Variants in XPO7 observed in about 807,000 individuals in gnomAD.
XPO7 encodes the protein exportin 7.
In XPO7, 21 loss-of-function variants were observed where a neutral mutation model predicts 144.3. That is an observed-to-expected ratio of 0.15 (90% CI 0.10 to 0.21). The LOEUF is 0.21. Among genes scored for constraint, XPO7 ranks in the 10% least tolerant of loss-of-function variants. The probability of loss-of-function intolerance (pLI) is 1.00; values close to 1 mark genes in which losing one functional copy is unlikely to be tolerated. For synonymous variants in XPO7, 580 were observed against 499.6 expected (o/e 1.16, Z -2.15); for missense variants, 808 against 1,325.8 (o/e 0.61, Z 6.06).
chr8:21,998,250 G>A (rs1813018111), intron 21 of XPO7, among the ~76,000 whole-genome samples: 1 of 152,130 alleles, frequency 6.6e-6, no homozygotes, highest in African/African-American at 2.4e-5. Flanking sequence ...GACCATCCTG[G>A]CTAACATGGT....
chr8:21,921,803 T>C (rs115246475), intron 1 of XPO7, among the ~76,000 whole-genome samples: 115 of 152,340 alleles, frequency 7.5e-4, no homozygotes, highest in African/African-American at 2.7e-3. Context: ...CTTAGTGGTC[T>C]TCATATCAAC....
chr8:21,946,574 GAAAAAAAAAAAC>G (rs1486876647), intron 1 of XPO7, among the ~76,000 whole-genome samples: 8 of 89,044 alleles, frequency 9.0e-5, no homozygotes, highest in Non-Finnish European at 1.4e-4. Flanking sequence ...TTCTAGAACT[GAAAAAAAAAAAC>G]AAAAAAAAAA....
intron 1 of XPO7, among the ~76,000 whole-genome samples, chr8:21,924,816 G>A (rs1211751652): frequency 2.6e-5 from 4 of 152,178 alleles, no homozygotes; most frequent in East Asian, 3.8e-4. Context: ...TCAGGACCAC[G>A]ATAAATGTTC....
intron 1 of XPO7, among the ~76,000 whole-genome samples, chr8:21,959,864 T>C (rs1454054179): frequency 6.6e-6 from 1 of 152,190 alleles, no homozygotes; most frequent in Non-Finnish European, 1.5e-5. Context: ...TCACCCACAG[T>C]CATACGTTAA....
At chr8:21,957,212 A>G (rs770094889) in intron 1 of XPO7, among the ~76,000 whole-genome samples, 6 of 151,682 alleles carry the variant, frequency 4.0e-5, no homozygotes, top group African/African-American at 1.2e-4. Context: ...TCATTGACCT[A>G]TTTGTTACAG....
intron 1 of XPO7, among the ~76,000 whole-genome samples, chr8:21,920,906 C>G (rs539125356): frequency 6.6e-6 from 1 of 152,278 alleles, no homozygotes; most frequent in South Asian, 2.1e-4. Flanking sequence ...AATACGTCTA[C>G]AAGAATCTGG....
chr8:21,990,259 C>A, intron 16 of XPO7, 85 bp from the exon 17 acceptor site: 1 of 1,359,622 alleles, frequency 7.4e-7, no homozygotes, highest in Non-Finnish European at 1.0e-6. Flanking sequence ...TTTGGGTGAA[C>A]TGTCCTTTAT....
At position 21,919,730 on chromosome 8, in the gene XPO7, G is replaced by T. The variant is rs1000007426; in HGVS notation, c.-41G>T. On this transcript the variant is annotated 5_prime_UTR_variant, in exon 1 of 28. Transcript: ENST00000252512. Reference sequence around the variant, plus strand: ...AGCGGCTCCGGCCGAGGTGCGCGCTGGGGGGGAGGGGGGGCCGGAGAGGAG... The same window carrying T: ...AGCGGCTCCGGCCGAGGTGCGCGCTTGGGGGGAGGGGGGGCCGGAGAGGAG... 11 of 365,892 alleles carry T rather than the reference G, an allele frequency of 3.0e-5. No homozygotes were observed. In the East Asian group the frequency reaches 4.0e-4, roughly 13 times the overall value. 22.7% of individuals were successfully genotyped at this position (365,892 alleles called of 1,614,324 possible).
intron 1 of XPO7, among the ~76,000 whole-genome samples, chr8:21,954,392 T>C (rs78921129): frequency 1.1e-3 from 173 of 152,298 alleles, no homozygotes; most frequent in African/African-American, 4.0e-3. Flanking sequence ...TCCCAGCACA[T>C]TGGGAAGCCA....
Position 21,995,607 on chromosome 8 carries a change from G to A in XPO7, c.2345+8G>A, listed in dbSNP as rs760750813. 6 of 1,582,436 alleles carry A rather than the reference G, an allele frequency of 3.8e-6. No homozygotes were observed. The highest frequency in any genetic ancestry group is 5.2e-6 in the Non-Finnish European group (6 of 1,161,350). On this transcript the variant is annotated splice_region_variant and intron_variant, in intron 21 of 27. Transcript: ENST00000252512. ...TGAATTGGTTCATAATAGGTAAGCA[G>A]GAGGCAGAGCTTGCAAGGGCACATC...
chr8:21,974,090 T>TCTCA (rs1812149819), intron 5 of XPO7, among the ~76,000 whole-genome samples: 1 of 96,578 alleles, frequency 1.0e-5, no homozygotes, highest in African/African-American at 4.7e-5. Flanking sequence ...TTTAAGAGAC[T>TCTCA]CTGCTGCCCA....
In XPO7 at chr8:21,947,147, A is replaced by G. The variant is rs1811219620; in HGVS notation, c.19-19710A>G. Among the ~76,000 whole-genome samples, 3 of 152,230 alleles carry G rather than the reference A, an allele frequency of 2.0e-5. No homozygotes were observed. The South Asian group carries it at 6.2e-4, about 32-fold the overall frequency. The stretch of plus-strand genomic sequence containing the variant: ...GTAAATCTAAACATCGTATGACATA[A>G]TAGTATTATCTAATGTTTAGGGCTA... On this transcript the variant is annotated intron_variant, in intron 1 of 27. Transcript: ENST00000252512.
intron 7 of XPO7, 129 bp from the exon 8 acceptor site, chr8:21,977,641 C>T (rs1812269984): frequency 1.2e-6 from 1 of 849,518 alleles, no homozygotes; most frequent in African/African-American, 1.7e-5. Context: ...TTATCACTTC[C>T]AAAGGAAATA....
chr8:21,991,249 T>TA, intron 18 of XPO7, among the ~76,000 whole-genome samples: 1 of 152,304 alleles, frequency 6.6e-6, no homozygotes, highest in Non-Finnish European at 1.5e-5. Flanking sequence ...CAATGAGGTG[T>TA]AAACCCACTT....
intron 1 of XPO7, among the ~76,000 whole-genome samples, chr8:21,951,962 C>G (rs939768408): frequency 2.8e-4 from 42 of 152,186 alleles, no homozygotes; most frequent in African/African-American, 9.9e-4. Context: ...CCAGCCCAGT[C>G]TCAGCAATTT....
chr8:21,968,818 A>G (rs938739465), intron 2 of XPO7, among the ~76,000 whole-genome samples: 2 of 152,218 alleles, frequency 1.3e-5, no homozygotes, highest in African/African-American at 4.8e-5. Context: ...TTTTGATCAC[A>G]TGGAATGCTT....
At chr8:21,954,360 G>T (rs578228660) in intron 1 of XPO7, among the ~76,000 whole-genome samples, 2 of 152,196 alleles carry the variant, frequency 1.3e-5, no homozygotes, top group Non-Finnish European at 2.9e-5. Flanking sequence ...TGTGGGCTGC[G>T]TGCAGTGGCT....
intron 1 of XPO7, among the ~76,000 whole-genome samples, chr8:21,946,779 C>A (rs952139386): frequency 1.3e-5 from 2 of 151,402 alleles, no homozygotes; most frequent in African/African-American, 4.9e-5. Flanking sequence ...AAAACTCATA[C>A]CTACACACTT....
At chr8:21,958,644 G>C (rs1811619046) in intron 1 of XPO7, among the ~76,000 whole-genome samples, 1 of 151,776 alleles carries the variant, frequency 6.6e-6, no homozygotes, top group Non-Finnish European at 1.5e-5. Flanking sequence ...CCTTACAGTT[G>C]TTTAGTGTGA....
Sources: allele counts gnomAD v4.1 joint callset (sites outside exome capture counted in the v4.1 genomes callset), GRCh38; gene constraint gnomAD v4.1.1; transcripts MANE v1.5; gene names NCBI Gene and HGNC (gene_info 2026-07-23, HGNC 2026-07-21).